The following RNF111 variants were observed in gnomAD, a reference collection of about 807,000 sequenced individuals.
RNF111 encodes the protein E3 ubiquitin-protein ligase Arkadia.
A neutral mutation model predicts 95.1 loss-of-function variants in RNF111; 17 were observed. The ratio of observed to expected loss-of-function variants is 0.18; its 90% CI spans 0.12 to 0.27. The LOEUF is 0.27. Ranked by LOEUF, RNF111 falls within the 10% of genes least tolerant of loss-of-function variation. The pLI is 1.00. For missense variants in RNF111, 1,189 were observed against 1,210.4 expected, an observed-to-expected ratio of 0.98 and a Z score of 0.26; for synonymous variants, 440 against 414.8, an observed-to-expected ratio of 1.06 and a Z score of -0.74.
intron 2 of RNF111, among the ~76,000 whole-genome samples, chr15:59,035,875 A>T (rs981749875): frequency 6.6e-6 from 1 of 152,126 alleles, no homozygotes; most frequent in Non-Finnish European, 1.5e-5. Flanking sequence ...GGAAGTTCCA[A>T]ACTTCCCCAC....
chr15:59,008,006 A>G (rs778516079), intron 1 of RNF111, among the ~76,000 whole-genome samples: 1 of 152,088 alleles, frequency 6.6e-6, no homozygotes, highest in Non-Finnish European at 1.5e-5. Context: ...TTTGATTTTG[A>G]TAAAGTCAAG....
Position 58,994,746 on chromosome 15 carries a change from G to A in RNF111, c.-20+6678G>A, listed in dbSNP as rs1481848652. Among the ~76,000 whole-genome samples the A allele has an allele frequency of 3.9e-5, 6 of 152,090 alleles. No individual in the cohort carries two copies. In the South Asian group the frequency reaches 1.0e-3, roughly 26 times the overall value. On this transcript the variant is annotated intron_variant, in intron 1 of 13. Coordinates refer to ENST00000348370, the MANE Select transcript of RNF111 (RefSeq NM_017610.8). ...GCCTACTTCAGCCTCCCAAAGTGCTGGGGTGAGCCTTTGCGCCTGGCCCCT... is the reference window on the plus strand; with the variant it reads ...GCCTACTTCAGCCTCCCAAAGTGCTAGGGTGAGCCTTTGCGCCTGGCCCCT...
chr15:59,044,576 T>C (rs1470583019), intron 2 of RNF111, among the ~76,000 whole-genome samples: 2 of 152,188 alleles, frequency 1.3e-5, no homozygotes. Flanking sequence ...AATATGTTAT[T>C]TTTCTCATGA....
At chr15:59,062,483 C>T (rs1450847029) in intron 5 of RNF111, among the ~76,000 whole-genome samples, 1 of 152,144 alleles carries the variant, frequency 6.6e-6, no homozygotes, top group African/African-American at 2.4e-5. Context: ...TACATGATAT[C>T]TTATATATTC....
intron 11 of RNF111, among the ~76,000 whole-genome samples, chr15:59,090,695 A>G (rs1220702605): frequency 2.0e-5 from 3 of 152,216 alleles, no homozygotes; most frequent in African/African-American, 7.2e-5. Context: ...ATTTATAAAG[A>G]TAACTTTTGC....
rs1243510964 is a variant in RNF111, at chr15:58,988,067, A to C, written c.-21A>C. On this transcript the variant is annotated splice_region_variant and 5_prime_UTR_variant, in exon 1 of 14. Transcript: ENST00000348370. ...AAGAGAAGAGGGTGGCTAATGATTA[A>C]GGTGAGGGGAACGGGGGGGGAGGGG... 1.9e-5 allele frequency: 2 copies of C among 103,588 alleles called. No individual in the cohort carries two copies. The highest frequency in any genetic ancestry group is 7.0e-4 in the South Asian group (2 of 2,846). The allele number at this position is 103,588 out of a possible 1,614,324, so 6.4% of individuals were successfully genotyped here.
At chr15:59,081,371 A>G (rs2078738322) in intron 8 of RNF111, 87 bp downstream of exon 8, 11 of 1,134,966 alleles carry the variant, frequency 9.7e-6, no homozygotes, top group Middle Eastern at 2.1e-4. Context: ...CCAACTAGGC[A>G]TGGTGGCATG....
chr15:59,086,184 A>G (rs561683432), intron 10 of RNF111, among the ~76,000 whole-genome samples: 1 of 151,868 alleles, frequency 6.6e-6, no homozygotes, highest in Non-Finnish European at 1.5e-5. Flanking sequence ...CAGTAGTATG[A>G]TCTCAGCTCA....
chr15:59,030,767 A>T, intron 1 of RNF111, 37 bp from the exon 2 acceptor site: 2 of 1,404,670 alleles, frequency 1.4e-6, no homozygotes, highest in Non-Finnish European at 1.9e-6. Flanking sequence ...AATAAAACAC[A>T]TTAAAAATCT....
chr15:59,057,149 T>C (rs1486769999), intron 4 of RNF111, among the ~76,000 whole-genome samples: 8 of 152,202 alleles, frequency 5.3e-5, no homozygotes. Context: ...TAGGGGAGGA[T>C]GCTACTGACA....
chr15:59,006,524 CA>C lies in RNF111; in HGVS notation c.-20+18459del, dbSNP rs1198280845. ...TTTAGCATTTTATTATGCAAAATTG[CA>C]AACAGAAAAGATGAAAGAATTGTAC... On this transcript the variant is annotated intron_variant, in intron 1 of 13. Coordinates refer to ENST00000348370, the MANE Select transcript of RNF111 (RefSeq NM_017610.8). Among the ~76,000 whole-genome samples the C allele has an allele frequency of 2.0e-5, 3 of 152,136 alleles. No individual in the cohort carries two copies. The East Asian group carries it at 5.8e-4, about 29-fold the overall frequency.
intron 5 of RNF111, among the ~76,000 whole-genome samples, chr15:59,063,925 T>C (rs2042544702): frequency 6.6e-6 from 1 of 152,180 alleles, no homozygotes; most frequent in South Asian, 2.1e-4. Context: ...TTTCAACCTT[T>C]TTTTCCTGAT....
chr15:58,995,632 A>G (rs1409791819), intron 1 of RNF111, among the ~76,000 whole-genome samples: 1 of 151,342 alleles, frequency 6.6e-6, no homozygotes, highest in African/African-American at 2.4e-5. Flanking sequence ...TAATTTTTGT[A>G]TTTTTAGTAG....
chr15:59,045,305 C>T (rs1326377518), intron 2 of RNF111, among the ~76,000 whole-genome samples: 2 of 151,902 alleles, frequency 1.3e-5, no homozygotes, highest in African/African-American at 2.4e-5. Context: ...ATTCTCCTGC[C>T]TCAGCCTCCC....
chr15:59,034,790 G>A (rs2041090197), intron 2 of RNF111, among the ~76,000 whole-genome samples: 1 of 152,174 alleles, frequency 6.6e-6, no homozygotes, highest in Non-Finnish European at 1.5e-5. Context: ...AGGCTTTCTG[G>A]ATAGAGTTGG....
chr15:59,058,255 G>T, intron 4 of RNF111, 101 bp from the exon 5 acceptor site: 1 of 968,034 alleles, frequency 1.0e-6, no homozygotes, highest in East Asian at 2.7e-5. Context: ...TATTTTTAAA[G>T]TTTTTTTATT....
At chr15:59,068,760 C>A (rs571607247) in intron 6 of RNF111, among the ~76,000 whole-genome samples, 1 of 152,076 alleles carries the variant, frequency 6.6e-6, no homozygotes, top group East Asian at 1.9e-4. Flanking sequence ...GATGGTATGT[C>A]TTCTGGGTCT....
chr15:59,041,511 A>G (rs1244783218), intron 2 of RNF111, among the ~76,000 whole-genome samples: 1 of 152,060 alleles, frequency 6.6e-6, no homozygotes, highest in Non-Finnish European at 1.5e-5. Context: ...CGAGATCTAG[A>G]GATTGTGCCA....
chr15:59,050,630 T>C (rs1414409720), intron 2 of RNF111, among the ~76,000 whole-genome samples: 1 of 152,184 alleles, frequency 6.6e-6, no homozygotes, highest in African/African-American at 2.4e-5. Flanking sequence ...TACTAAAAGC[T>C]GAAGGAAGGT....
Sources: gnomAD v4.1 joint callset for allele counts (sites outside exome capture counted in the v4.1 genomes callset) on GRCh38, gnomAD v4.1.1 for gene constraint, MANE v1.5 for transcripts, NCBI Gene and HGNC (gene_info 2026-07-23, HGNC 2026-07-21) for gene names.